MATR3: variants seen among roughly 807,000 people sequenced by gnomAD.
MATR3 encodes the protein matrin-3.
Under a neutral mutation model 85.5 loss-of-function variants are expected in MATR3, and 4 were observed. The observed-to-expected ratio is 0.05, with a 90% CI of 0.02 to 0.11. The LOEUF (loss-of-function observed/expected upper bound fraction) is 0.11, where lower values mean the gene tolerates loss of function less well. Ranked by LOEUF, MATR3 falls within the 10% of genes least tolerant of loss-of-function variation. The pLI is 1.00. For missense variants in MATR3, 685 were observed against 1,016.1 expected, an observed-to-expected ratio of 0.67 and a Z score of 4.43; for synonymous variants, 336 against 343.1, an observed-to-expected ratio of 0.98 and a Z score of 0.23.
intron 2 of MATR3, chr5:139,309,963 G>A (rs1291413994): frequency 6.6e-6 from 1 of 152,142 alleles, no homozygotes; most frequent in Non-Finnish European, 1.5e-5. Flanking sequence ...ATAGTTACAA[G>A]TGTCTCAAAT....
chr5:139,318,837 A>T, intron 7 of MATR3, 71 bp from the exon 8 acceptor site: 1 of 1,476,248 alleles, frequency 6.8e-7, no homozygotes, highest in South Asian at 1.2e-5. Context: ...TTTTTAGGAA[A>T]AAAAATCTTT....
At position 139,319,061 on chromosome 5, in the gene MATR3, A is replaced by G. The variant is rs1231089086; in HGVS notation, c.1434+28A>G. 3 of 1,590,410 alleles carry G rather than the reference A, an allele frequency of 1.9e-6. No individual in the cohort carries two copies. In the African/African-American group the frequency reaches 4.0e-5, roughly 21 times the overall value. On this transcript the variant is annotated intron_variant, in intron 8 of 14. Transcript: ENST00000394805. Reference sequence around the variant, plus strand: ...AATGTTTATTTTTTTCAAGCTGTATATCAGTTTAACAAATGATTTTAATAG... The same window carrying G: ...AATGTTTATTTTTTTCAAGCTGTATGTCAGTTTAACAAATGATTTTAATAG...
Position 139,321,887 on chromosome 5 carries a change from TTC to T in MATR3, c.1603-9_1603-8del, listed in dbSNP as rs1581255414. On this transcript the variant is annotated splice_polypyrimidine_tract_variant and intron_variant, in intron 9 of 14. Coordinates refer to ENST00000394805, the MANE Select transcript of MATR3 (RefSeq NM_018834.6). The stretch of plus-strand genomic sequence containing the variant: ...TAATGTGCTTTGTGGTTTCTTTTCT[TTC>T]TTTTTAAGGCTTTTATTGAGATGGA... 3.7e-6 allele frequency: 6 copies of T among 1,612,482 alleles called. No individual in the cohort carries two copies. The East Asian group carries it at 1.3e-4, about 36-fold the overall frequency.
intron 2 of MATR3, chr5:139,278,808 A>G (rs1753400070): frequency 1.9e-6 from 1 of 515,098 alleles, no homozygotes; most frequent in Non-Finnish European, 3.9e-6. Flanking sequence ...ATCCAGGCTC[A>G]TGTGGTGCCT....
rs1173741307 is a variant in MATR3, at chr5:139,329,586, G to T, written c.*191G>T. ...AAAATACACATATGGTTAAGTTAAT[G>T]AATAGTTTTTGTTTTATCAGAATGG... is the stretch of plus-strand genomic sequence containing the variant. On this transcript the variant is annotated 3_prime_UTR_variant, in exon 15 of 15. Transcript: ENST00000394805. 1 of 602,088 alleles carries T rather than the reference G, an allele frequency of 1.7e-6. No homozygotes were observed. The highest frequency in any genetic ancestry group is 3.1e-6 in the Non-Finnish European group (1 of 326,074). 37.3% of individuals were successfully genotyped at this position (602,088 alleles called of 1,614,324 possible).
chr5:139,319,646 G>C, intron 9 of MATR3, 145 bp downstream of exon 9: 1 of 663,938 alleles, frequency 1.5e-6, no homozygotes. Flanking sequence ...TCAGGAGTTC[G>C]AGACCAGCCT....
intron 12 of MATR3, among the ~76,000 whole-genome samples, chr5:139,323,470 G>A (rs891270485): frequency 3.9e-5 from 6 of 152,104 alleles, no homozygotes; most frequent in African/African-American, 1.4e-4. Flanking sequence ...TAGAAGCCAT[G>A]TATAAAGTGA....
chr5:139,303,791 C>G (rs561100301), intron 1 of MATR3, among the ~76,000 whole-genome samples: 3 of 151,826 alleles, frequency 2.0e-5, no homozygotes, highest in Non-Finnish European at 1.5e-5. Context: ...TTTCTAATAC[C>G]TTCTAAGAAA....
chr5:139,295,591 T>G (rs1226170030), intron 1 of MATR3, among the ~76,000 whole-genome samples: 1 of 152,258 alleles, frequency 6.6e-6, no homozygotes, highest in East Asian at 1.9e-4. Context: ...TGCATTTGTT[T>G]TAGTCTTTAA....
intron 12 of MATR3, among the ~76,000 whole-genome samples, chr5:139,324,194 G>A (rs1755721222): frequency 6.6e-6 from 1 of 151,388 alleles, no homozygotes; most frequent in South Asian, 2.1e-4. Flanking sequence ...CATAAATGAG[G>A]AAAATTGAAA....
intron 2 of MATR3, chr5:139,276,342 G>C (rs1753274819): frequency 2.5e-6 from 1 of 399,028 alleles, no homozygotes; most frequent in East Asian, 7.3e-5. Flanking sequence ...ATTAAGGCAG[G>C]CGTGTTTTTT....
chr5:139,307,161 A>G lies in MATR3; in HGVS notation c.-177-78A>G, dbSNP rs1754753310. The G allele has an allele frequency of 9.9e-7, 1 of 1,011,160 alleles. No individual in the cohort carries two copies. The highest frequency in any genetic ancestry group is 1.2e-6 in the Non-Finnish European group (1 of 804,402). The allele number at this position is 1,011,160 out of a possible 1,614,324, so 62.6% of individuals were successfully genotyped here. A position where few individuals can be genotyped will look rare whatever the true frequency, so the allele number is the denominator to read the frequency against. The stretch of plus-strand genomic sequence containing the variant: ...AATGTTTTTTTTTTAAATCAACATG[A>G]TGCATAAGTTTTTTTTTCTTAAAAA... On this transcript the variant is annotated intron_variant, in intron 1 of 14. Coordinates refer to ENST00000394805, the MANE Select transcript of MATR3 (RefSeq NM_018834.6). This position sits in a 1 kb window ranked among gnomAD's most constrained non-coding sequence, Gnocchi z 4.4.
intron 2 of MATR3, chr5:139,278,728 C>A: frequency 2.1e-6 from 1 of 485,852 alleles, no homozygotes; most frequent in Non-Finnish European, 4.2e-6. Flanking sequence ...CGTCTTCTAC[C>A]TGGAGTGCCT....
intron 3 of MATR3, among the ~76,000 whole-genome samples, chr5:139,286,015 C>T (rs538267722): frequency 6.6e-6 from 1 of 152,272 alleles, no homozygotes; most frequent in South Asian, 2.1e-4. Flanking sequence ...AATGAATATC[C>T]AGATCCAAGA....
intron 14 of MATR3, among the ~76,000 whole-genome samples, chr5:139,327,288 G>T (rs988553625): frequency 1.3e-5 from 2 of 149,460 alleles, no homozygotes; most frequent in East Asian, 1.9e-4. Context: ...CAAGTTCTTG[G>T]CTGTGTGTCA....
chr5:139,293,734 G>T (rs1027635182), upstream of MATR3: 4 of 369,606 alleles, frequency 1.1e-5, no homozygotes, highest in Non-Finnish European at 1.9e-5. Flanking sequence ...TGCTGCGGGG[G>T]ATTGTGGGAG....
intron 3 of MATR3, among the ~76,000 whole-genome samples, chr5:139,281,600 G>A (rs1207867796): frequency 1.3e-5 from 2 of 151,810 alleles, no homozygotes; most frequent in African/African-American, 2.4e-5. Flanking sequence ...TGATCCACCC[G>A]CCTCAGCCTC....
At chr5:139,300,540 C>T (rs1347472241) in intron 1 of MATR3, among the ~76,000 whole-genome samples, 1 of 152,124 alleles carries the variant, frequency 6.6e-6, no homozygotes, top group Non-Finnish European at 1.5e-5. Context: ...TTTTTCTCAT[C>T]TAAAAATAAA....
At chr5:139,316,976 T>G (rs1327597973) in intron 5 of MATR3, 77 bp from the exon 6 acceptor site, 2 of 1,094,688 alleles carry the variant, frequency 1.8e-6, no homozygotes, top group African/African-American at 1.6e-5. Flanking sequence ...GTTTGGAAGA[T>G]GCACGTTTTT....
Sources: gnomAD v4.1 joint callset for allele counts (sites outside exome capture counted in the v4.1 genomes callset) on GRCh38, gnomAD v4.1.1 for gene constraint, Gnocchi (gnomAD v3.1) non-coding constraint, MANE v1.5 for transcripts, NCBI Gene and HGNC (gene_info 2026-07-23, HGNC 2026-07-21) for gene names.